Variants in MEF2C observed in about 807,000 individuals in gnomAD.
MEF2C encodes myocyte-specific enhancer factor 2C.
In MEF2C, 6 loss-of-function variants were observed where a neutral mutation model predicts 50.5. The ratio of observed to expected loss-of-function variants is 0.12; its 90% CI spans 0.07 to 0.23. The LOEUF (loss-of-function observed/expected upper bound fraction) is 0.23. Ranked by LOEUF, MEF2C falls within the 10% of genes least tolerant of loss-of-function variation. The probability of loss-of-function intolerance (pLI) is 1.00; values close to 1 mark genes in which losing one functional copy is unlikely to be tolerated. For synonymous variants in MEF2C, 183 were observed against 228.0 expected, an observed-to-expected ratio of 0.80 and a Z score of 1.78; for missense variants, 276 against 605.0, an observed-to-expected ratio of 0.46 and a Z score of 5.70.
intron 2 of MEF2C, among the ~76,000 whole-genome samples, chr5:88,818,865 G>T (rs1806875587): frequency 6.6e-6 from 1 of 151,966 alleles, no homozygotes; most frequent in African/African-American, 2.4e-5. Context: ...TACAAGAGTT[G>T]TTTTGATAGA....
intron 6 of MEF2C, chr5:88,734,594 T>TGCA: frequency 2.7e-6 from 2 of 732,446 alleles, no homozygotes; most frequent in Non-Finnish European, 3.2e-6. Flanking sequence ...TTTTTTTTTT[T>TGCA]TTTTAGCATT....
intron 4 of MEF2C, among the ~76,000 whole-genome samples, chr5:88,754,317 A>G (rs759498237): frequency 3.9e-5 from 6 of 152,206 alleles, no homozygotes; most frequent in African/African-American, 9.6e-5. Context: ...GTGATCTGGT[A>G]CTTTTCCCCT....
At chr5:88,758,043 A>G (rs1263735500) in intron 4 of MEF2C, among the ~76,000 whole-genome samples, 1 of 152,042 alleles carries the variant, frequency 6.6e-6, no homozygotes, top group Non-Finnish European at 1.5e-5. Context: ...TTTAGGTCCC[A>G]TCCTCCTTCC....
At position 88,719,120 on chromosome 5, in the gene MEF2C, T is replaced by G. The variant is rs1335979180; in HGVS notation, c.*3484A>C. ...AATAAAGAGGGCAAAAAATGCTATC[T>G]CTAAGTTAAAAGATGGGTATGTAAG... On this transcript the variant is annotated 3_prime_UTR_variant, in exon 11 of 11. Transcript: ENST00000504921. 6.6e-6 allele frequency: 1 copy of G among 152,204 alleles called. No homozygotes were observed. The highest frequency in any genetic ancestry group is 1.5e-5 in the Non-Finnish European group (1 of 68,036). The allele number at this position is 152,204 out of a possible 1,614,324, so 9.4% of individuals were successfully genotyped here.
At chr5:88,819,368 T>A in intron 2 of MEF2C, 1 of 985,252 alleles carries the variant, frequency 1.0e-6, no homozygotes, top group Non-Finnish European at 1.2e-6. Flanking sequence ...AGCCAGTTAT[T>A]TAGAACTTAA....
intron 6 of MEF2C, chr5:88,732,916 C>G (rs1430095058): frequency 1.5e-5 from 3 of 202,806 alleles, no homozygotes; most frequent in African/African-American, 7.1e-5. Flanking sequence ...ATTGTTATTG[C>G]CATCATTACA....
At chr5:88,833,137 A>C (rs1581350713) in intron 1 of MEF2C, among the ~76,000 whole-genome samples, 1 of 152,154 alleles carries the variant, frequency 6.6e-6, no homozygotes, top group East Asian at 1.9e-4. Context: ...TGATAATTAA[A>C]TATATACCTG....
At chr5:88,728,401 G>A (rs553103471) in intron 10 of MEF2C, 92 bp downstream of exon 10, 350 of 1,022,666 alleles carry the variant, frequency 3.4e-4, no homozygotes, top group Non-Finnish European at 4.1e-4. Context: ...TTTTATACCC[G>A]TTAATGGGAT....
At chr5:88,843,879 G>A (rs897601546) in intron 1 of MEF2C, among the ~76,000 whole-genome samples, 1 of 149,622 alleles carries the variant, frequency 6.7e-6, no homozygotes, top group Non-Finnish European at 1.5e-5. Context: ...GTGCAATCTC[G>A]GCTCACCGCA....
intron 1 of MEF2C, among the ~76,000 whole-genome samples, chr5:88,891,690 G>A (rs903223615): frequency 1.3e-5 from 2 of 152,128 alleles, no homozygotes; most frequent in African/African-American, 2.4e-5. Context: ...GATTACAGGC[G>A]TGAACCACTG....
At chr5:88,898,891 T>A (rs1835368540) in intron 1 of MEF2C, among the ~76,000 whole-genome samples, 1 of 152,160 alleles carries the variant, frequency 6.6e-6, no homozygotes, top group Non-Finnish European at 1.5e-5. Flanking sequence ...TACCTATATG[T>A]AGCAGACATA....
chr5:88,786,177 C>G (rs1790801552), intron 3 of MEF2C, among the ~76,000 whole-genome samples: 2 of 152,072 alleles, frequency 1.3e-5, no homozygotes, highest in Admixed American at 6.6e-5. Context: ...TGTGAAGCAG[C>G]CTTCAACCTG....
intron 3 of MEF2C, chr5:88,775,845 G>T (rs1015334738): frequency 1.0e-6 from 1 of 980,264 alleles, no homozygotes; most frequent in Non-Finnish European, 1.2e-6. Context: ...ATTTTTGTGT[G>T]TGTGATTTAT....
chr5:88,807,799 A>G (rs897485189), intron 2 of MEF2C, among the ~76,000 whole-genome samples: 2 of 152,210 alleles, frequency 1.3e-5, no homozygotes, highest in Non-Finnish European at 2.9e-5. Flanking sequence ...ATTATGACTG[A>G]TAGAAAGATA....
At chr5:88,881,415 T>C (rs962702479) in intron 1 of MEF2C, among the ~76,000 whole-genome samples, 1 of 152,232 alleles carries the variant, frequency 6.6e-6, no homozygotes, top group African/African-American at 2.4e-5. Flanking sequence ...AACTGCATTA[T>C]CTTTAGTTGA....
At chr5:88,816,754 A>G (rs769969111) in intron 2 of MEF2C, among the ~76,000 whole-genome samples, 1 of 151,904 alleles carries the variant, frequency 6.6e-6, no homozygotes, top group Non-Finnish European at 1.5e-5. Context: ...TTTTATTTAT[A>G]TGAAATAAGT....
intron 1 of MEF2C, among the ~76,000 whole-genome samples, chr5:88,868,149 T>C (rs1224725863): frequency 6.6e-6 from 1 of 152,200 alleles, no homozygotes; most frequent in Non-Finnish European, 1.5e-5. Flanking sequence ...CCACGGTGCA[T>C]ATCCTGGAGA....
At chr5:88,881,993 CA>C (rs1163424669) in intron 1 of MEF2C, among the ~76,000 whole-genome samples, 3 of 151,688 alleles carry the variant, frequency 2.0e-5, no homozygotes, top group Non-Finnish European at 4.4e-5. Flanking sequence ...TAAAATGTGA[CA>C]AAAAAAGGCT....
intron 4 of MEF2C, among the ~76,000 whole-genome samples, chr5:88,757,861 A>T (rs1365420640): frequency 6.6e-6 from 1 of 152,194 alleles, no homozygotes; most frequent in Non-Finnish European, 1.5e-5. Context: ...GGTTGAGGGG[A>T]GCCAGGATCA....
Sources: allele counts gnomAD v4.1 joint callset (sites outside exome capture counted in the v4.1 genomes callset), GRCh38; gene constraint gnomAD v4.1.1; transcripts MANE v1.5; gene names NCBI Gene and HGNC (gene_info 2026-07-23, HGNC 2026-07-21).